Variants in AMMECR1 observed in about 807,000 individuals in gnomAD.
AMMECR1 encodes nuclear protein AMMECR1.
A neutral mutation model predicts 22.5 loss-of-function variants in AMMECR1; 3 were observed. The observed-to-expected ratio is 0.13, with a 90% CI of 0.06 to 0.35. AMMECR1 has a LOEUF of 0.35. AMMECR1 is among the 10% of genes least tolerant of loss of function. The pLI, the probability that AMMECR1 is intolerant of heterozygous loss-of-function variation, is 1.00. For synonymous variants in AMMECR1, 130 were observed against 116.7 expected (o/e 1.11, Z -0.74); for missense variants, 235 against 278.7 (o/e 0.84, Z 1.12).
chrX:110,207,433 A>G (rs1400785231), intron 3 of AMMECR1, among the ~76,000 whole-genome samples: 1 of 111,613 alleles, frequency 9.0e-6, no homozygotes, highest in Non-Finnish European at 1.9e-5. Context: ...GCCTACTCCA[A>G]GTTTCTCTTG....
chrX:110,272,488 GA>G (rs1453888401), intron 1 of AMMECR1, among the ~76,000 whole-genome samples: 1 of 111,962 alleles, frequency 8.9e-6, no homozygotes, highest in Non-Finnish European at 1.9e-5. Flanking sequence ...ACAAAACAAT[GA>G]AAACAGTTAA....
At chrX:110,232,418 T>C (rs2067572288) in intron 2 of AMMECR1, among the ~76,000 whole-genome samples, 3 of 111,888 alleles carry the variant, frequency 2.7e-5, no homozygotes, top group South Asian at 7.4e-4. Context: ...GAATGACTAC[T>C]GGGTAAATAA....
intron 2 of AMMECR1, among the ~76,000 whole-genome samples, chrX:110,414,538 T>C (rs753322732): frequency 1.6e-3 from 177 of 113,224 alleles, no homozygotes; most frequent in African/African-American, 5.3e-3. Flanking sequence ...GGCAATACTC[T>C]TGTTATTTTT....
chrX:110,391,699 C>A (rs1052822347), intron 2 of AMMECR1, among the ~76,000 whole-genome samples: 2 of 112,104 alleles, frequency 1.8e-5, no homozygotes, highest in Non-Finnish European at 3.8e-5. Flanking sequence ...TAGTGAGAAA[C>A]CATCTATATA....
At chrX:110,430,147 A>G (rs1309410873) in intron 1 of AMMECR1, among the ~76,000 whole-genome samples, 1 of 112,606 alleles carries the variant, frequency 8.9e-6, no homozygotes, top group African/African-American at 3.2e-5. Flanking sequence ...CTTTGGCTAT[A>G]TGATCCCAGG....
At chrX:110,207,101 C>A (rs968155730) in intron 3 of AMMECR1, among the ~76,000 whole-genome samples, 4 of 111,465 alleles carry the variant, frequency 3.6e-5, no homozygotes, top group African/African-American at 1.3e-4. Context: ...ACCCCCTAAC[C>A]TTTAGAGGCT....
chrX:110,417,126 C>T (rs773808696), intron 2 of AMMECR1, among the ~76,000 whole-genome samples: 3 of 111,780 alleles, frequency 2.7e-5, no homozygotes, highest in Non-Finnish European at 3.8e-5. Flanking sequence ...TCTTCCCTAC[C>T]GCACTCATCC....
chrX:110,361,243 A>G (rs756687292), intron 2 of AMMECR1, among the ~76,000 whole-genome samples: 1 of 111,029 alleles, frequency 9.0e-6, no homozygotes, highest in Non-Finnish European at 1.9e-5. Context: ...TCCCTCTTTC[A>G]TATCCTACAT....
intron 1 of AMMECR1, among the ~76,000 whole-genome samples, chrX:110,308,716 C>A (rs1205711279): frequency 1.8e-5 from 2 of 110,838 alleles, no homozygotes; most frequent in Non-Finnish European, 3.8e-5. Flanking sequence ...AAGCTAGTGG[C>A]AAGTTTTTTA....
At chrX:110,264,669 T>G (rs1275715514) in intron 1 of AMMECR1, 70 bp from the exon 2 acceptor site, 1 of 885,896 alleles carries the variant, frequency 1.1e-6, no homozygotes, top group African/African-American at 2.0e-5. Context: ...GAGTATTGAC[T>G]GTCTGCTAGG....
intron 2 of AMMECR1, among the ~76,000 whole-genome samples, chrX:110,395,898 G>A (rs1338090255): frequency 9.0e-6 from 1 of 111,632 alleles, no homozygotes; most frequent in Non-Finnish European, 1.9e-5. Context: ...GACAGCTCCA[G>A]TGTCCTTCTA....
At chrX:110,250,592 TATAAAGA>T (rs1184318284) in intron 2 of AMMECR1, among the ~76,000 whole-genome samples, 1 of 112,407 alleles carries the variant, frequency 8.9e-6, no homozygotes, top group Non-Finnish European at 1.9e-5. Flanking sequence ...TGCAGCTTTC[TATAAAGA>T]ATAAAGTGCT....
At chrX:110,341,569 C>T (rs1420790671) in intron 2 of AMMECR1, among the ~76,000 whole-genome samples, 1 of 112,129 alleles carries the variant, frequency 8.9e-6, no homozygotes, top group Non-Finnish European at 1.9e-5. Flanking sequence ...TGAATCTTCC[C>T]TTTGTCAGGG....
chrX:110,368,196 CA>C (rs1056732576), intron 2 of AMMECR1, among the ~76,000 whole-genome samples: 3 of 109,679 alleles, frequency 2.7e-5, no homozygotes, highest in Non-Finnish European at 5.7e-5. Context: ...TAATCCAAGC[CA>C]GCATCATTTC....
intron 2 of AMMECR1, among the ~76,000 whole-genome samples, chrX:110,251,611 C>T (rs1350083442): frequency 8.9e-6 from 1 of 111,817 alleles, no homozygotes; most frequent in Non-Finnish European, 1.9e-5. Flanking sequence ...TGTACAATGG[C>T]TTCAAAGGGA....
At chrX:110,345,502 ATATAT>A (rs1238875412) in intron 2 of AMMECR1, among the ~76,000 whole-genome samples, 1 of 100,821 alleles carries the variant, frequency 9.9e-6, no homozygotes, top group African/African-American at 4.3e-5. Flanking sequence ...AATAAAAAAA[ATATAT>A]ATATATATAT....
At chrX:110,324,623 C>A (rs2068090749) in intron 2 of AMMECR1, among the ~76,000 whole-genome samples, 1 of 107,183 alleles carries the variant, frequency 9.3e-6, no homozygotes, top group Admixed American at 9.9e-5. Flanking sequence ...TGAGGAAGGT[C>A]CCTTCTACTG....
At chrX:110,289,243 CCCACTTCTGA>C (rs2067895980) in intron 1 of AMMECR1, among the ~76,000 whole-genome samples, 1 of 111,642 alleles carries the variant, frequency 9.0e-6, no homozygotes, top group Non-Finnish European at 1.9e-5. Flanking sequence ...CTTTTAGTCA[CCCACTTCTGA>C]CCACTTAAGG....
At chrX:110,391,231 G>T (rs1390575429) in intron 2 of AMMECR1, among the ~76,000 whole-genome samples, 1 of 111,320 alleles carries the variant, frequency 9.0e-6, no homozygotes, top group Non-Finnish European at 1.9e-5. Flanking sequence ...CTGAGGCTGT[G>T]AATGTCCACC....
Sources: allele counts gnomAD v4.1 joint callset (sites outside exome capture counted in the v4.1 genomes callset), GRCh38; gene constraint gnomAD v4.1.1; transcripts MANE v1.5; gene names NCBI Gene and HGNC (gene_info 2026-07-23, HGNC 2026-07-21).